The following SH3RF1 variants were observed in gnomAD, a reference collection of about 807,000 sequenced individuals.
SH3RF1 encodes the protein SH3 domain containing ring finger 1.
SH3RF1 carries 32 observed loss-of-function variants against 74.0 expected under a neutral mutation model. The ratio of observed to expected loss-of-function variants is 0.43; its 90% confidence interval spans 0.33 to 0.58. The LOEUF (loss-of-function observed/expected upper bound fraction) is 0.58. Ranked by LOEUF, SH3RF1 falls within the 20% of genes least tolerant of loss-of-function variation. The pLI is 0.05. For synonymous variants in SH3RF1, 396 were observed against 439.6 expected, an observed-to-expected ratio of 0.90 and a Z score of 1.24; for missense variants, 954 against 1,130.9, an observed-to-expected ratio of 0.84 and a Z score of 2.24.
intron 2 of SH3RF1, among the ~76,000 whole-genome samples, chr4:169,187,948 C>T (rs1030772944): frequency 6.6e-6 from 1 of 151,958 alleles, no homozygotes; most frequent in Non-Finnish European, 1.5e-5. Context: ...CTGATGAAGG[C>T]CATGTGAAAA....
chr4:169,238,911 A>G (rs1017351342), intron 2 of SH3RF1, among the ~76,000 whole-genome samples: 3 of 152,134 alleles, frequency 2.0e-5, no homozygotes, highest in Admixed American at 6.5e-5. Context: ...GACTATCTAT[A>G]TAAGTATTTC....
At chr4:169,264,659 AAGCCCTGCT>A (rs1288268343) in intron 2 of SH3RF1, among the ~76,000 whole-genome samples, 1 of 152,180 alleles carries the variant, frequency 6.6e-6, no homozygotes, top group Non-Finnish European at 1.5e-5. Flanking sequence ...ATCTGTTCTG[AAGCCCTGCT>A]AATCGTCTCA....
At chr4:169,235,054 T>A (rs913175109) in intron 2 of SH3RF1, among the ~76,000 whole-genome samples, 1 of 152,210 alleles carries the variant, frequency 6.6e-6, no homozygotes, top group East Asian at 1.9e-4. Context: ...AATTTAAGTT[T>A]CCCACATCTA....
rs576630204 is a variant in SH3RF1 at position 169,137,013 on chromosome 4, A to G, written c.766-393T>C. 2.6e-5 allele frequency among the ~76,000 whole-genome samples: 4 copies of G among 152,322 alleles called. 1 individual carries two copies. Among genetic ancestry groups the G allele is most frequent in the African/African-American group, 9.6e-5 (4 of 41,574 alleles). ...TTTCGTGACACCCTGTTGCACAATA[A>G]TGGTTGGGTATTTGCTCAAAGCACA... On this transcript the variant is annotated intron_variant, in intron 4 of 11. Coordinates refer to ENST00000284637, the MANE Select transcript of SH3RF1 (RefSeq NM_020870.4).
chr4:169,184,172 C>G (rs1579125075), intron 2 of SH3RF1, among the ~76,000 whole-genome samples: 4 of 152,308 alleles, frequency 2.6e-5, no homozygotes, highest in East Asian at 1.9e-4. Flanking sequence ...AACCGACATC[C>G]CCTACTTCTG....
chr4:169,106,227 C>T (rs1439999930), intron 11 of SH3RF1, among the ~76,000 whole-genome samples: 1 of 151,968 alleles, frequency 6.6e-6, no homozygotes, highest in Non-Finnish European at 1.5e-5. Flanking sequence ...ATTCTCCTGC[C>T]TCAGCTTCCC....
chr4:169,204,725 T>C (rs1022824816), intron 2 of SH3RF1, among the ~76,000 whole-genome samples: 1 of 151,976 alleles, frequency 6.6e-6, no homozygotes, highest in Non-Finnish European at 1.5e-5. Context: ...TAATTTTTTG[T>C]ATTTTAGTAG....
At chr4:169,196,885 TAA>T (rs996681434) in intron 2 of SH3RF1, among the ~76,000 whole-genome samples, 1 of 152,090 alleles carries the variant, frequency 6.6e-6, no homozygotes, top group African/African-American at 2.4e-5. Flanking sequence ...TTTTATCCAA[TAA>T]GACATGTTAA....
Position 169,136,415 on chromosome 4 carries a change from A to G in SH3RF1, c.971T>C (p.Met324Thr). ...GATGAGGACAGGGGGGCTGATCTCCATGGAGTGGCGGTTCTGGGATGCCTG... is the reference window on the plus strand; with the variant it reads ...GATGAGGACAGGGGGGCTGATCTCCGTGGAGTGGCGGTTCTGGGATGCCTG... Reference protein sequence around the residue: ...SSQASQNRHSMEISPPVLISS... With the variant: ...SSQASQNRHSTEISPPVLISS... The change falls in exon 5 of 12, where the codon ATG (methionine) becomes ACG (threonine). Residue 324 changes from methionine (M) to threonine (T), a missense_variant. Physicochemically the swap from Met to Thr is moderately conservative, Grantham distance 81. This residue lies in a region of SH3RF1 where 854 missense variants were observed against 962.5 expected (regional missense o/e 0.89). Transcript: ENST00000284637. 3.1e-6 allele frequency: 5 copies of G among 1,608,554 alleles called. No individual in the cohort carries two copies. The highest frequency in any genetic ancestry group is 1.3e-5 in the African/African-American group (1 of 74,820).
chr4:169,115,006 A>T (rs1733307634), intron 10 of SH3RF1, among the ~76,000 whole-genome samples: 2 of 152,050 alleles, frequency 1.3e-5, no homozygotes, highest in Non-Finnish European at 2.9e-5. Flanking sequence ...AATTATCCAG[A>T]TCCGTTACCA....
At chr4:169,124,406 C>T (rs575220294) in intron 6 of SH3RF1, among the ~76,000 whole-genome samples, 1 of 152,252 alleles carries the variant, frequency 6.6e-6, no homozygotes, top group East Asian at 1.9e-4. Flanking sequence ...CTTCTTGTCA[C>T]AAAATACACT....
chr4:169,242,641 T>C (rs1730931329), intron 2 of SH3RF1, among the ~76,000 whole-genome samples: 2 of 152,184 alleles, frequency 1.3e-5, no homozygotes, highest in African/African-American at 4.8e-5. Context: ...GCAACAGTGA[T>C]GGGAGATGGG....
At chr4:169,226,192 T>C (rs886405131) in intron 2 of SH3RF1, among the ~76,000 whole-genome samples, 1 of 152,192 alleles carries the variant, frequency 6.6e-6, no homozygotes, top group Non-Finnish European at 1.5e-5. Context: ...GGTGGATAAG[T>C]ACCTTTGGTA....
chr4:169,107,464 C>T (rs183322720), intron 10 of SH3RF1, among the ~76,000 whole-genome samples: 125 of 152,266 alleles, frequency 8.2e-4, no homozygotes, highest in African/African-American at 3.0e-3. Flanking sequence ...CCTCCTTCTC[C>T]CTTTCTGCTA....
chr4:169,158,676 T>G lies in SH3RF1; in HGVS notation c.394-1997A>C, dbSNP rs146246110. Among the ~76,000 whole-genome samples, 456 of 152,364 alleles carry G rather than the reference T, an allele frequency of 3.0e-3. 4 individuals are homozygous for G. Among genetic ancestry groups the G allele is most frequent in the African/African-American group, 0.011 (444 of 41,586 alleles). On this transcript the variant is annotated intron_variant, in intron 2 of 11. Transcript: ENST00000284637. ...AGGCCTCAACTAGTTGAATATTTTT[T>G]AAGTTTAATATTTCCAATGAAGTAG...
At chr4:169,105,277 T>C (rs543569288) in intron 11 of SH3RF1, among the ~76,000 whole-genome samples, 1 of 152,186 alleles carries the variant, frequency 6.6e-6, no homozygotes, top group African/African-American at 2.4e-5. Context: ...TACTATATAT[T>C]TATATAAGAT....
chr4:169,107,056 T>C lies in SH3RF1; in HGVS notation c.2289A>G (p.Pro763=). Residue 763 remains proline, a synonymous_variant, in exon 11 of 12, where the codon CCA becomes CCG. Transcript: ENST00000284637. ...AGCCTGCCCTGCCATGGCCACCTCC[T>C]GGTGGCAGTTCGGGCCCCACCGCTC... ...LQGAVGPELP[P]GGGHGRAGSC... 1.2e-6 allele frequency: 2 copies of C among 1,613,980 alleles called. No individual in the cohort carries two copies. The highest frequency in any genetic ancestry group is 1.7e-6 in the Non-Finnish European group (2 of 1,179,962).
rs867616015 is a variant in SH3RF1, at chr4:169,183,019, G to A, written c.394-26340C>T. On this transcript the variant is annotated intron_variant, in intron 2 of 11. Transcript: ENST00000284637. Reference sequence around the variant, plus strand: ...CAACATAGCAGGGCAGGGAGTTGGGGCGGGGTGCGGGCATGGTGGTTCATG... The same window carrying A: ...CAACATAGCAGGGCAGGGAGTTGGGACGGGGTGCGGGCATGGTGGTTCATG... 9.2e-5 allele frequency among the ~76,000 whole-genome samples: 14 copies of A among 152,236 alleles called. 1 individual carries two copies. The South Asian group carries it at 1.7e-3, about 18-fold the overall frequency.
intron 4 of SH3RF1, among the ~76,000 whole-genome samples, chr4:169,143,479 T>C (rs1325334084): frequency 2.0e-5 from 3 of 152,148 alleles, no homozygotes; most frequent in Non-Finnish European, 4.4e-5. Context: ...ATAGCTCCTG[T>C]AGGGAAAGAA....
Sources: allele counts gnomAD v4.1 joint callset (sites outside exome capture counted in the v4.1 genomes callset), GRCh38; gene constraint gnomAD v4.1.1; regional missense constraint gnomAD v4.1.1; transcripts MANE v1.5; gene names NCBI Gene and HGNC (gene_info 2026-07-23, HGNC 2026-07-21).